The following SLC6A5 variants were observed in gnomAD, a reference collection of about 807,000 sequenced individuals.
SLC6A5 encodes solute carrier family 6 member 5.
Under a neutral mutation model 90.5 loss-of-function variants are expected in SLC6A5, and 58 were observed. That is an observed-to-expected ratio of 0.64 (90% CI 0.52 to 0.80). SLC6A5 has a LOEUF of 0.80. Ranked by LOEUF, SLC6A5 falls within the 30% of genes least tolerant of loss-of-function variation. The pLI is 0.00. For missense variants in SLC6A5, 1,015 were observed against 1,017.6 expected (o/e 1.00, Z 0.03); for synonymous variants, 427 against 401.4 (o/e 1.06, Z -0.76).
At chr11:20,620,627 G>A (rs915618039) in intron 7 of SLC6A5, among the ~76,000 whole-genome samples, 3 of 152,184 alleles carry the variant, frequency 2.0e-5, no homozygotes, top group African/African-American at 7.2e-5. Flanking sequence ...TGTGCTGGCT[G>A]CTTCACATGC....
In SLC6A5 at chr11:20,658,947, T is replaced by C. The variant is rs539423647; in HGVS notation, c.*4079T>C. 6.6e-6 allele frequency: 1 copy of C among 152,158 alleles called. No homozygotes were observed. The highest frequency in any genetic ancestry group is 6.5e-5 in the Admixed American group (1 of 15,286). The allele number at this position is 152,158 out of a possible 1,614,324, so 9.4% of individuals were successfully genotyped here. A position where few individuals can be genotyped will look rare whatever the true frequency, so the allele number is the denominator to read the frequency against. ...GCTAATGTCCTAAATGCAGGCATCT[T>C]TTGTGGGTACTGTTGCCCATGAATA... On this transcript the variant is annotated 3_prime_UTR_variant, in exon 16 of 16. Coordinates refer to ENST00000525748, the MANE Select transcript of SLC6A5 (RefSeq NM_004211.5).
chr11:20,631,355 T>C (rs1050182316), intron 10 of SLC6A5, among the ~76,000 whole-genome samples: 4 of 152,164 alleles, frequency 2.6e-5, no homozygotes. Context: ...TTTTCCCCAG[T>C]GGGTAGAAAT....
At chr11:20,606,028 C>T (rs908924613) in intron 3 of SLC6A5, among the ~76,000 whole-genome samples, 1 of 152,248 alleles carries the variant, frequency 6.6e-6, no homozygotes, top group African/African-American at 2.4e-5. Flanking sequence ...GTTTTCCCTC[C>T]GCTGAGGCCA....
chr11:20,652,564 T>A, intron 15 of SLC6A5, 108 bp downstream of exon 15: 1 of 1,132,588 alleles, frequency 8.8e-7, no homozygotes, highest in Non-Finnish European at 1.3e-6. Context: ...AGAGGGAGAC[T>A]TGGTGATGAA....
At chr11:20,609,328 C>T (rs1310378371) in intron 5 of SLC6A5, among the ~76,000 whole-genome samples, 1 of 151,440 alleles carries the variant, frequency 6.6e-6, no homozygotes, top group Non-Finnish European at 1.5e-5. Context: ...TCAATCCACA[C>T]TCTTTCTTTG....
chr11:20,639,194 G>A (rs1382923016), intron 13 of SLC6A5, among the ~76,000 whole-genome samples: 2 of 152,102 alleles, frequency 1.3e-5, no homozygotes, highest in African/African-American at 2.4e-5. Context: ...TTGTGTGGAG[G>A]TGTTTGTCCT....
At chr11:20,607,915 G>C (rs543382728) in intron 5 of SLC6A5, among the ~76,000 whole-genome samples, 8 of 152,312 alleles carry the variant, frequency 5.3e-5, no homozygotes, top group African/African-American at 1.9e-4. Flanking sequence ...CCACAAGATA[G>C]TCTGATTTAT....
At chr11:20,617,964 AAG>A (rs1453270847) in intron 7 of SLC6A5, 80 bp downstream of exon 7, 5 of 1,421,188 alleles carry the variant, frequency 3.5e-6, no homozygotes, top group African/African-American at 1.4e-5. Flanking sequence ...GAGCACTGGA[AAG>A]AGAGTCAGGA....
intron 14 of SLC6A5, among the ~76,000 whole-genome samples, chr11:20,651,837 G>C (rs1235395456): frequency 2.6e-5 from 4 of 151,944 alleles, no homozygotes; most frequent in Non-Finnish European, 5.9e-5. Flanking sequence ...AACCTGGGAG[G>C]GGGAGGTTGC....
chr11:20,644,701 T>C (rs1853376262), intron 13 of SLC6A5, among the ~76,000 whole-genome samples: 1 of 152,232 alleles, frequency 6.6e-6, no homozygotes, highest in Admixed American at 6.5e-5. Context: ...GGGTTACTTT[T>C]TGCCACAAGA....
chr11:20,599,732 C>G (rs764742220), intron 1 of SLC6A5, 57 bp downstream of exon 1: 4 of 1,607,294 alleles, frequency 2.5e-6, no homozygotes, highest in Admixed American at 1.7e-5. Context: ...ACAGGGAAAG[C>G]AGATTCGTTT....
At chr11:20,605,119 C>T (rs12286319) in intron 3 of SLC6A5, among the ~76,000 whole-genome samples, 42,503 of 151,880 alleles carry the variant, frequency 0.28, 6,133 homozygotes, top group South Asian at 0.38. Flanking sequence ...CTGTACCCAC[C>T]GAGGAGGGAC....
chr11:20,632,028 G>T (rs75893299), intron 10 of SLC6A5, among the ~76,000 whole-genome samples: 2 of 152,122 alleles, frequency 1.3e-5, no homozygotes, highest in African/African-American at 4.8e-5. Flanking sequence ...GTTTGGTTCC[G>T]CAGCAATGCA....
At chr11:20,652,037 G>C (rs1853543343) in intron 14 of SLC6A5, among the ~76,000 whole-genome samples, 1 of 152,102 alleles carries the variant, frequency 6.6e-6, no homozygotes, top group African/African-American at 2.4e-5. Flanking sequence ...CTGTCTGTAT[G>C]TATACACATG....
In SLC6A5 at chr11:20,635,095, T is replaced by G. The variant is rs1455452341; in HGVS notation, c.1625-1212T>G. The stretch of plus-strand genomic sequence containing the variant: ...CACATGAAGTGTTCTAGAGAAAACC[T>G]GAATCAGAACCGCTAACTTCCAAGT... On this transcript the variant is annotated intron_variant, in intron 10 of 15. Transcript: ENST00000525748. 2.0e-5 allele frequency among the ~76,000 whole-genome samples: 3 copies of G among 152,086 alleles called. No individual in the cohort carries two copies. In the East Asian group the frequency reaches 5.8e-4, roughly 29 times the overall value.
At chr11:20,647,245 A>G (rs1427314103) in intron 14 of SLC6A5, among the ~76,000 whole-genome samples, 2 of 134,466 alleles carry the variant, frequency 1.5e-5, no homozygotes, top group East Asian at 4.6e-4. Context: ...ATATTTATAT[A>G]TATATCAGTT....
chr11:20,630,188 T>C (rs1418167970), intron 9 of SLC6A5, among the ~76,000 whole-genome samples: 1 of 152,200 alleles, frequency 6.6e-6, no homozygotes, highest in African/African-American at 2.4e-5. Flanking sequence ...GGTGCCAGAA[T>C]ATTCAGTGTC....
rs951661969 is a variant in SLC6A5 at position 20,656,170 on chromosome 11, C to T, written c.*1302C>T. ...GGCAAAGTGTAAACTTTATTATCTTCTTGTATCCTGAACATGCATATATGA... is the reference window on the plus strand; with the variant it reads ...GGCAAAGTGTAAACTTTATTATCTTTTTGTATCCTGAACATGCATATATGA... On this transcript the variant is annotated 3_prime_UTR_variant, in exon 16 of 16. Transcript: ENST00000525748. The T allele has an allele frequency of 6.6e-6, 1 of 152,192 alleles. No individual in the cohort carries two copies. The highest frequency in any genetic ancestry group is 1.5e-5 in the Non-Finnish European group (1 of 68,038). The allele number at this position is 152,192 out of a possible 1,614,324, so 9.4% of individuals were successfully genotyped here.
chr11:20,603,854 C>G (rs961352425), intron 2 of SLC6A5, among the ~76,000 whole-genome samples: 2 of 151,972 alleles, frequency 1.3e-5, no homozygotes, highest in Non-Finnish European at 2.9e-5. Flanking sequence ...TAATTAGGAA[C>G]CTGCTTGCTG....
Sources: allele counts gnomAD v4.1 joint callset (sites outside exome capture counted in the v4.1 genomes callset), GRCh38; gene constraint gnomAD v4.1.1; transcripts MANE v1.5; gene names NCBI Gene and HGNC (gene_info 2026-07-23, HGNC 2026-07-21).